Variants in FBXL7 observed in about 807,000 individuals in gnomAD.
FBXL7 encodes F-box and leucine rich repeat protein 7.
FBXL7 carries 12 observed loss-of-function variants against 38.3 expected under a neutral mutation model. The observed-to-expected ratio is 0.31, with a 90% CI of 0.20 to 0.51. FBXL7 has a LOEUF of 0.51. FBXL7 is among the 20% of genes least tolerant of loss of function. The probability of loss-of-function intolerance (pLI) is 0.98; values close to 1 mark genes in which losing one functional copy is unlikely to be tolerated. For missense variants in FBXL7, 567 were observed against 676.4 expected (o/e 0.84, Z 1.79); for synonymous variants, 297 against 300.9 (o/e 0.99, Z 0.13).
At chr5:15,578,501 G>A (rs1739037036) in intron 1 of FBXL7, among the ~76,000 whole-genome samples, 1 of 152,118 alleles carries the variant, frequency 6.6e-6, no homozygotes, top group Non-Finnish European at 1.5e-5. Context: ...AATTTCCTTA[G>A]AGAAAGTCTC....
chr5:15,630,302 T>C (rs1283074809), intron 2 of FBXL7, among the ~76,000 whole-genome samples: 1 of 152,188 alleles, frequency 6.6e-6, no homozygotes, highest in Non-Finnish European at 1.5e-5. Flanking sequence ...TTTTACTAAA[T>C]CCTTTCTCAG....
At chr5:15,890,745 G>A (rs940035169) in intron 2 of FBXL7, among the ~76,000 whole-genome samples, 28 of 152,236 alleles carry the variant, frequency 1.8e-4, no homozygotes, top group African/African-American at 6.3e-4. Flanking sequence ...GCTGGGGACC[G>A]CTGTTCTAAG....
chr5:15,709,519 G>A (rs1579396643), intron 2 of FBXL7, among the ~76,000 whole-genome samples: 3 of 148,158 alleles, frequency 2.0e-5, no homozygotes, highest in East Asian at 4.0e-4. Flanking sequence ...GGGTGACAGA[G>A]CAAGACTCTG....
chr5:15,808,452 C>T (rs1046184273), intron 2 of FBXL7, among the ~76,000 whole-genome samples: 1 of 152,164 alleles, frequency 6.6e-6, no homozygotes, highest in East Asian at 1.9e-4. Flanking sequence ...TCCACACACT[C>T]AGCCTGGACT....
chr5:15,539,166 A>G (rs1737667725), intron 1 of FBXL7, among the ~76,000 whole-genome samples: 1 of 152,216 alleles, frequency 6.6e-6, no homozygotes. Flanking sequence ...TTCTAATGGC[A>G]ATAAAAATGC....
chr5:15,718,684 G>A lies in FBXL7; in HGVS notation c.127+102612G>A, dbSNP rs116418778. Among the ~76,000 whole-genome samples, 958 of 152,256 alleles carry A rather than the reference G, an allele frequency of 6.3e-3. 11 individuals are homozygous for A. The highest frequency in any genetic ancestry group is 0.022 in the African/African-American group (907 of 41,548). On this transcript the variant is annotated intron_variant, in intron 2 of 3. Coordinates refer to ENST00000504595, the MANE Select transcript of FBXL7 (RefSeq NM_012304.5). ...CTTTTCCGCTAAGGAAAAAATACGT[G>A]GTGTTTAAAATAAATATCATCAGTA...
chr5:15,721,930 G>A (rs1744205132), intron 2 of FBXL7, among the ~76,000 whole-genome samples: 3 of 152,120 alleles, frequency 2.0e-5, no homozygotes, highest in Admixed American at 1.3e-4. Flanking sequence ...TGCCTCCCAG[G>A]TTCAAGCAAT....
intron 2 of FBXL7, among the ~76,000 whole-genome samples, chr5:15,824,758 T>C (rs559670386): frequency 1.3e-5 from 2 of 152,310 alleles, no homozygotes; most frequent in East Asian, 3.9e-4. Context: ...TGGATGTTTT[T>C]TACACTAGAT....
At chr5:15,570,685 T>A (rs1462626316) in intron 1 of FBXL7, among the ~76,000 whole-genome samples, 4 of 152,186 alleles carry the variant, frequency 2.6e-5, no homozygotes, top group Non-Finnish European at 4.4e-5. Context: ...AGAAGTACCT[T>A]CCAGGGTGGT....
intron 2 of FBXL7, among the ~76,000 whole-genome samples, chr5:15,668,205 C>T (rs1173935123): frequency 6.6e-6 from 1 of 152,192 alleles, no homozygotes; most frequent in Non-Finnish European, 1.5e-5. Context: ...GCTCCACTGA[C>T]AGCCACATCC....
chr5:15,893,785 A>G (rs968437742), intron 2 of FBXL7, among the ~76,000 whole-genome samples: 7 of 152,232 alleles, frequency 4.6e-5, no homozygotes, highest in Admixed American at 1.3e-4. Flanking sequence ...ACATAATGCT[A>G]TAGGATGAAT....
At chr5:15,540,886 C>T (rs1342590560) in intron 1 of FBXL7, among the ~76,000 whole-genome samples, 2 of 152,104 alleles carry the variant, frequency 1.3e-5, no homozygotes, top group Admixed American at 6.5e-5. Context: ...CTAGGGACCC[C>T]ATCTCCTGAT....
chr5:15,872,037 G>T (rs1412201359), intron 2 of FBXL7, among the ~76,000 whole-genome samples: 2 of 152,174 alleles, frequency 1.3e-5, no homozygotes, highest in Non-Finnish European at 2.9e-5. Flanking sequence ...CAGCCAGAGA[G>T]AAAGGTCGGG....
intron 2 of FBXL7, among the ~76,000 whole-genome samples, chr5:15,746,136 T>G (rs1736008558): frequency 1.3e-5 from 2 of 152,168 alleles, no homozygotes; most frequent in Non-Finnish European, 2.9e-5. Flanking sequence ...GAATCCTAAG[T>G]GCTTAGCCTG....
In FBXL7 at chr5:15,928,500, A is replaced by T. The variant is rs746364821; in HGVS notation, c.738A>T (p.Ser246=). 6.2e-7 allele frequency: 1 copy of T among 1,607,278 alleles called. No homozygotes were observed. Among genetic ancestry groups the T allele is most frequent in the Admixed American group, 1.7e-5 (1 of 59,830 alleles). ...LCPNLEHLDV[S]GCSKVTCISL... is the part of the protein sequence containing the mutation. ...CTAATCTGGAGCACCTGGATGTGTC[A>T]GGTAAATGGACACTGACCTACCAGC... Residue 246 remains serine, a splice_region_variant and synonymous_variant, in exon 3 of 4, where the codon TCA becomes TCT. Transcript: ENST00000504595. The surrounding 1 kb of genome is among the most constrained non-coding windows in gnomAD (Gnocchi z 4.0).
intron 2 of FBXL7, among the ~76,000 whole-genome samples, chr5:15,680,401 T>G (rs908223655): frequency 4.7e-4 from 72 of 152,202 alleles, no homozygotes; most frequent in African/African-American, 1.6e-3. Context: ...ATAACTATAC[T>G]GGGCAGCTAT....
intron 2 of FBXL7, among the ~76,000 whole-genome samples, chr5:15,732,733 G>A (rs1735624888): frequency 6.6e-6 from 1 of 152,088 alleles, no homozygotes; most frequent in African/African-American, 2.4e-5. Context: ...ATGTTAAAAA[G>A]AATTTATTTT....
intron 2 of FBXL7, among the ~76,000 whole-genome samples, chr5:15,912,543 T>C (rs755254934): frequency 6.6e-6 from 1 of 152,044 alleles, no homozygotes; most frequent in Non-Finnish European, 1.5e-5. Flanking sequence ...CCATCTTGGC[T>C]CCTCCCCACC....
intron 2 of FBXL7, among the ~76,000 whole-genome samples, chr5:15,696,508 G>C (rs1209773007): frequency 6.6e-6 from 1 of 152,024 alleles, no homozygotes; most frequent in Non-Finnish European, 1.5e-5. Context: ...TGTTAATTAA[G>C]ACTTTATCCT....
Sources: allele counts gnomAD v4.1 joint callset (sites outside exome capture counted in the v4.1 genomes callset), GRCh38; gene constraint gnomAD v4.1.1; non-coding constraint Gnocchi (gnomAD v3.1); transcripts MANE v1.5; gene names NCBI Gene and HGNC (gene_info 2026-07-23, HGNC 2026-07-21).